Variants in CSMD1 observed in about 807,000 individuals in gnomAD.
CSMD1 encodes the protein CUB and Sushi multiple domains 1, also known as CUB and sushi domain-containing protein 1.
A neutral mutation model predicts 417.5 loss-of-function variants in CSMD1; 213 were observed. That is an observed-to-expected ratio of 0.51 (90% CI 0.46 to 0.57). CSMD1 has a LOEUF of 0.57. CSMD1 is among the 20% of genes least tolerant of loss of function. The pLI is 0.00. For missense variants in CSMD1, 6,923 were observed against 4,529.7 expected (o/e 1.53, Z -15.17); for synonymous variants, 2,862 against 1,736.8 (o/e 1.65, Z -16.11).
intron 3 of CSMD1, among the ~76,000 whole-genome samples, chr8:4,057,275 G>A (rs1441895807): frequency 1.3e-5 from 2 of 152,148 alleles, no homozygotes; most frequent in Non-Finnish European, 2.9e-5. Context: ...GCATTTCTCT[G>A]ATGGCCAGTG....
At chr8:4,047,651 T>C (rs569346945) in intron 3 of CSMD1, among the ~76,000 whole-genome samples, 2 of 152,276 alleles carry the variant, frequency 1.3e-5, no homozygotes, top group South Asian at 4.1e-4. Context: ...TCAGTGAGTA[T>C]ATTTGGGGCA....
At chr8:4,273,068 G>C (rs1356575238) in intron 3 of CSMD1, among the ~76,000 whole-genome samples, 1 of 152,080 alleles carries the variant, frequency 6.6e-6, no homozygotes, top group African/African-American at 2.4e-5. Flanking sequence ...GCCATCATTT[G>C]ATTTTTGAGG....
chr8:4,494,899 T>C (rs1286244896), intron 2 of CSMD1, among the ~76,000 whole-genome samples: 1 of 152,002 alleles, frequency 6.6e-6, no homozygotes, highest in South Asian at 2.1e-4. Context: ...TTCTCATTGT[T>C]AGGACAAATT....
intron 22 of CSMD1, among the ~76,000 whole-genome samples, chr8:3,344,960 A>T (rs561420273): frequency 2.6e-5 from 4 of 152,334 alleles, no homozygotes; most frequent in Admixed American, 2.6e-4. Context: ...CCATGTTTTT[A>T]TTAGACGAGC....
chr8:2,972,299 C>T (rs1285812828), intron 57 of CSMD1, among the ~76,000 whole-genome samples: 1 of 152,176 alleles, frequency 6.6e-6, no homozygotes, highest in Non-Finnish European at 1.5e-5. Flanking sequence ...TGTGAGCTTA[C>T]TCAAGTTGGT....
intron 5 of CSMD1, among the ~76,000 whole-genome samples, chr8:3,969,016 C>T (rs1041492890): frequency 2.0e-5 from 3 of 152,086 alleles, no homozygotes; most frequent in Admixed American, 6.5e-5. Context: ...TTTGGAAGGC[C>T]GAGGCAGGTG....
chr8:3,119,726 T>C (rs941502348), intron 41 of CSMD1, among the ~76,000 whole-genome samples: 4 of 152,188 alleles, frequency 2.6e-5, no homozygotes, highest in Non-Finnish European at 5.9e-5. Flanking sequence ...AGGCACACCT[T>C]TGTCCATAAA....
At chr8:4,070,037 T>C (rs192067300) in intron 3 of CSMD1, among the ~76,000 whole-genome samples, 105 of 152,310 alleles carry the variant, frequency 6.9e-4, no homozygotes, top group East Asian at 3.9e-3. Flanking sequence ...AATTAACTTA[T>C]TGGTGTTTTA....
intron 25 of CSMD1, among the ~76,000 whole-genome samples, chr8:3,297,363 T>C (rs1385186185): frequency 1.3e-5 from 2 of 152,150 alleles, no homozygotes; most frequent in East Asian, 3.8e-4. Flanking sequence ...CCAAGAATAG[T>C]CACAGTGATC....
chr8:4,095,659 A>G (rs188173096), intron 3 of CSMD1, among the ~76,000 whole-genome samples: 119 of 152,306 alleles, frequency 7.8e-4, no homozygotes, highest in Non-Finnish European at 1.6e-3. Context: ...ACATTCAACA[A>G]CTGAGGGTTC....
At chr8:3,672,161 T>C (rs1200120551) in intron 7 of CSMD1, among the ~76,000 whole-genome samples, 8 of 152,192 alleles carry the variant, frequency 5.3e-5, no homozygotes, top group Non-Finnish European at 1.5e-5. Context: ...TAGTGTGAAA[T>C]CTCTTTATGG....
chr8:4,345,835 G>A (rs76091434), intron 3 of CSMD1, among the ~76,000 whole-genome samples: 418 of 152,196 alleles, frequency 2.7e-3, no homozygotes, highest in Non-Finnish European at 4.7e-3. Flanking sequence ...CCCGAGCAGC[G>A]ACCTACATTG....
At chr8:4,707,886 CAAAAAAAAAAAAAAA>C (rs552510236) in intron 1 of CSMD1, among the ~76,000 whole-genome samples, 19 of 100,850 alleles carry the variant, frequency 1.9e-4, no homozygotes, top group Non-Finnish European at 3.4e-4. Context: ...GACTTTGTTT[CAAAAAAAAAAAAAAA>C]AAAAAAAAAA....
At chr8:4,099,973 A>G (rs1801221121) in intron 3 of CSMD1, among the ~76,000 whole-genome samples, 1 of 152,152 alleles carries the variant, frequency 6.6e-6, no homozygotes, top group African/African-American at 2.4e-5. Context: ...TTACTTCCTA[A>G]TACAGTTGTC....
chr8:4,006,458 C>G (rs537770469), intron 4 of CSMD1, among the ~76,000 whole-genome samples: 2 of 152,112 alleles, frequency 1.3e-5, no homozygotes, highest in African/African-American at 4.8e-5. Context: ...GCCGAAGAAT[C>G]GCTTGAACTT....
At chr8:4,068,543 A>T (rs377413371) in intron 3 of CSMD1, among the ~76,000 whole-genome samples, 3 of 152,250 alleles carry the variant, frequency 2.0e-5, no homozygotes, top group Admixed American at 1.3e-4. Context: ...GAAACATAAA[A>T]TGTATCCTCT....
chr8:3,740,993 T>A (rs1796771974), intron 6 of CSMD1, among the ~76,000 whole-genome samples: 1 of 151,830 alleles, frequency 6.6e-6, no homozygotes, highest in South Asian at 2.1e-4. Flanking sequence ...GGTGGACGGA[T>A]CACCTCAGGT....
At chr8:3,657,449 T>C (rs953525359) in intron 7 of CSMD1, among the ~76,000 whole-genome samples, 43 of 152,186 alleles carry the variant, frequency 2.8e-4, no homozygotes, top group African/African-American at 1.0e-3. Flanking sequence ...CCAACCCAAA[T>C]GCCCATCAAT....
At chr8:4,154,358 G>GTCCA (rs1796719090) in intron 3 of CSMD1, among the ~76,000 whole-genome samples, 2 of 152,212 alleles carry the variant, frequency 1.3e-5, no homozygotes, top group South Asian at 4.1e-4. Context: ...TCAAGCAAAT[G>GTCCA]TCCATGTTTT....
Sources: gnomAD v4.1 joint callset for allele counts (sites outside exome capture counted in the v4.1 genomes callset) on GRCh38, gnomAD v4.1.1 for gene constraint, MANE v1.5 for transcripts, NCBI Gene and HGNC (gene_info 2026-07-23, HGNC 2026-07-21) for gene names.